Variants in LHFPL6 observed in about 807,000 individuals in gnomAD.
The protein encoded by LHFPL6 is LHFPL tetraspan subfamily member 6 protein.
LHFPL6 carries 9 observed loss-of-function variants against 20.6 expected under a neutral mutation model. The ratio of observed to expected loss-of-function variants is 0.44; its 90% CI spans 0.26 to 0.76. LHFPL6 has a LOEUF of 0.76. LHFPL6 is among the 30% of genes least tolerant of loss of function. LHFPL6 has a pLI of 0.20. For synonymous variants in LHFPL6, 105 were observed against 98.7 expected (o/e 1.06, Z -0.38); for missense variants, 218 against 253.5 (o/e 0.86, Z 0.95).
At chr13:39,368,170 G>A (rs904732864) in intron 3 of LHFPL6, among the ~76,000 whole-genome samples, 1 of 150,234 alleles carries the variant, frequency 6.7e-6, no homozygotes, top group Non-Finnish European at 1.5e-5. Context: ...TCTCTACTAA[G>A]AATTACAAAA....
intron 2 of LHFPL6, among the ~76,000 whole-genome samples, chr13:39,415,847 T>A (rs1473606454): frequency 6.6e-6 from 1 of 152,254 alleles, no homozygotes; most frequent in Non-Finnish European, 1.5e-5. Context: ...GCAGCCAGTT[T>A]GCCTCCTTGA....
At chr13:39,536,140 G>A (rs1870611225) in intron 2 of LHFPL6, among the ~76,000 whole-genome samples, 1 of 152,122 alleles carries the variant, frequency 6.6e-6, no homozygotes, top group Non-Finnish European at 1.5e-5. Context: ...TAAGCTTTCA[G>A]TATCAAAATA....
In LHFPL6 at chr13:39,562,391, T is replaced by TAC. The variant is rs1566141920; in HGVS notation, c.385+38440_385+38441insGT. Among the ~76,000 whole-genome samples, 402 of 42,916 alleles carry TAC rather than the reference T, an allele frequency of 9.4e-3. 12 individuals are homozygous for TAC. Among genetic ancestry groups the TAC allele is most frequent in the East Asian group, 0.027 (53 of 1,962 alleles). 28.2% of individuals were successfully genotyped at this position (42,916 alleles called of 152,430 possible). On this transcript the variant is annotated intron_variant, in intron 2 of 3. Coordinates refer to ENST00000379589, the MANE Select transcript of LHFPL6 (RefSeq NM_005780.3). ...ACATATATACATATATACATATACA[T>TAC]ATATATACATATATACACATATACA... is the stretch of plus-strand genomic sequence containing the variant.
chr13:39,574,318 T>C (rs1328852202), intron 2 of LHFPL6, among the ~76,000 whole-genome samples: 2 of 151,952 alleles, frequency 1.3e-5, no homozygotes, highest in African/African-American at 4.8e-5. Context: ...CCGTCTCTAC[T>C]AAAAATACAA....
At chr13:39,407,639 T>C (rs1426610942) in intron 2 of LHFPL6, among the ~76,000 whole-genome samples, 1 of 152,046 alleles carries the variant, frequency 6.6e-6, no homozygotes, top group Non-Finnish European at 1.5e-5. Context: ...TAAATAGGAG[T>C]TAAATGTAAT....
At chr13:39,512,464 T>G (rs1001947881) in intron 2 of LHFPL6, among the ~76,000 whole-genome samples, 1 of 151,948 alleles carries the variant, frequency 6.6e-6, no homozygotes, top group Non-Finnish European at 1.5e-5. Flanking sequence ...TAGCCGGGCA[T>G]GGTGGCGGGC....
At chr13:39,511,722 T>C (rs1869713038) in intron 2 of LHFPL6, among the ~76,000 whole-genome samples, 1 of 152,244 alleles carries the variant, frequency 6.6e-6, no homozygotes, top group South Asian at 2.1e-4. Context: ...TCTACTTTTC[T>C]CTCGATCAAG....
chr13:39,441,317 T>C (rs1201567062), intron 2 of LHFPL6, among the ~76,000 whole-genome samples: 1 of 151,836 alleles, frequency 6.6e-6, no homozygotes, highest in Non-Finnish European at 1.5e-5. Flanking sequence ...TTTATTAGGC[T>C]ATTAGTTGAT....
chr13:39,429,523 AC>A lies in LHFPL6; in HGVS notation c.386-50998del, dbSNP rs368628312. On this transcript the variant is annotated intron_variant, in intron 2 of 3. Transcript: ENST00000379589. ...ATTTAAAGTGCATTTCTTATAGGCAACATATAGTTAGGTCTTACATTTTTAT... is the reference window on the plus strand; with the variant it reads ...ATTTAAAGTGCATTTCTTATAGGCAAATATAGTTAGGTCTTACATTTTTAT... Among the ~76,000 whole-genome samples, 163 of 152,278 alleles carry A rather than the reference AC, an allele frequency of 1.1e-3. 1 individual carries two copies. The highest frequency in any genetic ancestry group is 3.8e-3 in the African/African-American group (159 of 41,552).
intron 2 of LHFPL6, among the ~76,000 whole-genome samples, chr13:39,489,843 C>A (rs984901457): frequency 6.6e-6 from 1 of 152,164 alleles, no homozygotes; most frequent in African/African-American, 2.4e-5. Flanking sequence ...ATGTAAGTCA[C>A]CATGCCTGGC....
At chr13:39,345,642 G>A (rs569926715) in intron 3 of LHFPL6, among the ~76,000 whole-genome samples, 11 of 151,790 alleles carry the variant, frequency 7.2e-5, no homozygotes, top group East Asian at 3.9e-4. Context: ...GACAACCAGC[G>A]TTTGACTACT....
At chr13:39,592,001 C>T (rs1042214574) in intron 2 of LHFPL6, among the ~76,000 whole-genome samples, 15 of 151,584 alleles carry the variant, frequency 9.9e-5, no homozygotes, top group Non-Finnish European at 1.9e-4. Context: ...GAGGCCAAGG[C>T]GGGAGAATCG....
At chr13:39,533,835 C>G (rs1421165876) in intron 2 of LHFPL6, among the ~76,000 whole-genome samples, 2 of 152,190 alleles carry the variant, frequency 1.3e-5, no homozygotes, top group Non-Finnish European at 2.9e-5. Context: ...CCACACATTT[C>G]TAATTCCCAG....
At chr13:39,552,313 A>T (rs1871163294) in intron 2 of LHFPL6, among the ~76,000 whole-genome samples, 1 of 152,164 alleles carries the variant, frequency 6.6e-6, no homozygotes, top group African/African-American at 2.4e-5. Context: ...ACACACAACC[A>T]TATTCAAAGA....
intron 2 of LHFPL6, among the ~76,000 whole-genome samples, chr13:39,397,333 C>G (rs752842356): frequency 9.2e-5 from 14 of 152,276 alleles, no homozygotes; most frequent in Non-Finnish European, 1.9e-4. Context: ...CACCATCAAT[C>G]TCTGTCTTAC....
intron 2 of LHFPL6, among the ~76,000 whole-genome samples, chr13:39,527,777 G>A (rs948015298): frequency 6.6e-6 from 1 of 152,056 alleles, no homozygotes; most frequent in Non-Finnish European, 1.5e-5. Flanking sequence ...GCTGGACAAG[G>A]AAAAACTCTC....
intron 2 of LHFPL6, among the ~76,000 whole-genome samples, chr13:39,565,354 T>C (rs916227266): frequency 6.6e-6 from 1 of 152,196 alleles, no homozygotes; most frequent in Non-Finnish European, 1.5e-5. Flanking sequence ...TCATTTTGTG[T>C]TCAAGTTTAC....
Position 39,576,176 on chromosome 13 carries a change from T to A in LHFPL6, c.385+24656A>T, listed in dbSNP as rs115862124. 8.5e-3 allele frequency among the ~76,000 whole-genome samples: 1,288 copies of A among 152,342 alleles called. 17 individuals carry two copies. The highest frequency in any genetic ancestry group is 0.029 in the African/African-American group (1,222 of 41,576). On this transcript the variant is annotated intron_variant, in intron 2 of 3. Coordinates refer to ENST00000379589, the MANE Select transcript of LHFPL6 (RefSeq NM_005780.3). ...TAGAGGAAATAAGCCCATTTTTCAC[T>A]GCTCTAATTTAAAATCATTTTAACA...
chr13:39,356,542 T>G (rs773122131), intron 3 of LHFPL6, among the ~76,000 whole-genome samples: 1 of 152,154 alleles, frequency 6.6e-6, no homozygotes. Flanking sequence ...AAAATTGAGA[T>G]GTAAAAATTC....
Sources: allele counts gnomAD v4.1 joint callset (sites outside exome capture counted in the v4.1 genomes callset), GRCh38; gene constraint gnomAD v4.1.1; transcripts MANE v1.5; gene names NCBI Gene and HGNC (gene_info 2026-07-23, HGNC 2026-07-21).